Variants in LRRC49 observed in about 807,000 individuals in gnomAD.
LRRC49 encodes the protein leucine rich repeat containing 49.
A neutral mutation model predicts 83.3 loss-of-function variants in LRRC49; 50 were observed. The ratio of observed to expected loss-of-function variants is 0.60; its 90% CI spans 0.48 to 0.76. LRRC49 has a LOEUF of 0.76. Ranked by LOEUF, LRRC49 falls within the 30% of genes least tolerant of loss-of-function variation. The pLI is 0.00. For synonymous variants in LRRC49, 286 were observed against 283.3 expected, an observed-to-expected ratio of 1.01 and a Z score of -0.10; for missense variants, 704 against 809.1, an observed-to-expected ratio of 0.87 and a Z score of 1.58.
chr15:70,974,138 T>A (rs1345267829), intron 9 of LRRC49, among the ~76,000 whole-genome samples: 1 of 151,788 alleles, frequency 6.6e-6, no homozygotes, highest in Non-Finnish European at 1.5e-5. Flanking sequence ...AAAAATAAAA[T>A]AATAAAATAA....
At chr15:70,913,597 T>C (rs746128768) in intron 6 of LRRC49, among the ~76,000 whole-genome samples, 2 of 152,008 alleles carry the variant, frequency 1.3e-5, no homozygotes, top group African/African-American at 4.8e-5. Context: ...GAACAGAGCA[T>C]GTGTGGAAGG....
intron 15 of LRRC49, among the ~76,000 whole-genome samples, chr15:71,040,241 A>G (rs959628015): frequency 2.0e-5 from 3 of 152,220 alleles, no homozygotes; most frequent in African/African-American, 7.2e-5. Flanking sequence ...TGGAAATTGC[A>G]TAGTGTTATG....
intron 15 of LRRC49, among the ~76,000 whole-genome samples, chr15:71,041,552 C>G (rs935507063): frequency 2.0e-5 from 3 of 151,976 alleles, no homozygotes; most frequent in African/African-American, 7.3e-5. Context: ...CTTGTAATAA[C>G]CTAATAATAA....
upstream of LRRC49, chr15:70,892,708 T>C (rs1345837276): frequency 8.9e-6 from 13 of 1,466,468 alleles, no homozygotes; most frequent in Non-Finnish European, 1.2e-5. Context: ...CTCTCACGAA[T>C]ACAACTAGAA....
chr15:70,883,152 A>AT (rs1193727250), intron 2 of LRRC49, among the ~76,000 whole-genome samples: 1 of 152,114 alleles, frequency 6.6e-6, no homozygotes, highest in African/African-American at 2.4e-5. Flanking sequence ...ATTTGCTTAC[A>AT]ACTAATTTTT....
intron 2 of LRRC49, 113 bp downstream of exon 2, chr15:70,893,753 G>A: frequency 1.2e-6 from 1 of 805,278 alleles, no homozygotes; most frequent in South Asian, 1.7e-5. Flanking sequence ...AAGTAGATTT[G>A]CTTTGATTTC....
intron 2 of LRRC49, among the ~76,000 whole-genome samples, chr15:70,877,282 C>A (rs971595337): frequency 2.0e-5 from 3 of 152,088 alleles, no homozygotes; most frequent in Non-Finnish European, 4.4e-5. Flanking sequence ...ATTAATGTAA[C>A]CCTCATCACA....
At chr15:71,035,540 C>T (rs900335629) in intron 14 of LRRC49, among the ~76,000 whole-genome samples, 1 of 152,024 alleles carries the variant, frequency 6.6e-6, no homozygotes, top group African/African-American at 2.4e-5. Flanking sequence ...TGTTCCCCTC[C>T]CTATGTCCAT....
chr15:70,886,578 G>C (rs1400717856), intron 2 of LRRC49, among the ~76,000 whole-genome samples: 2 of 152,112 alleles, frequency 1.3e-5, no homozygotes, highest in Middle Eastern at 3.2e-3. Flanking sequence ...AATAAAAATT[G>C]ATAAACCGGT....
At chr15:70,893,173 C>G (rs2033663069) in intron 1 of LRRC49, 2 of 607,624 alleles carry the variant, frequency 3.3e-6, no homozygotes, top group South Asian at 4.1e-5. Context: ...TGGAGCTGGT[C>G]TGCTGTGAAA....
At chr15:71,026,688 C>G (rs1217994089) in intron 14 of LRRC49, among the ~76,000 whole-genome samples, 3 of 152,200 alleles carry the variant, frequency 2.0e-5, no homozygotes, top group Non-Finnish European at 4.4e-5. Context: ...TCTCTAATAA[C>G]CAGTGATGAT....
chr15:70,921,181 G>A lies in LRRC49; in HGVS notation c.711+1988G>A, dbSNP rs916277081. Among the ~76,000 whole-genome samples the A allele has an allele frequency of 2.0e-5, 3 of 152,134 alleles. No homozygotes were observed. The East Asian group carries it at 5.8e-4, about 29-fold the overall frequency. ...ACACATTTGTGAACTTCCCTTTAGG[G>A]TAAGTGAAAGGGAAAGTCACTCAGT... On this transcript the variant is annotated intron_variant, in intron 7 of 15. Transcript: ENST00000260382.
At chr15:70,858,843 C>A in intron 1 of LRRC49, 1 of 780,520 alleles carries the variant, frequency 1.3e-6, no homozygotes, top group Non-Finnish European at 2.3e-6. Flanking sequence ...TGGGCAGCAG[C>A]AGCTTCTGGG....
intron 11 of LRRC49, among the ~76,000 whole-genome samples, chr15:70,988,694 T>G (rs1467953279): frequency 5.5e-4 from 83 of 152,234 alleles, no homozygotes; most frequent in East Asian, 4.6e-3. Flanking sequence ...GTTAGCTGGT[T>G]ATTTTGCTCA....
intron 1 of LRRC49, among the ~76,000 whole-genome samples, chr15:70,860,542 G>A (rs2141068985): frequency 6.6e-6 from 1 of 152,294 alleles, no homozygotes; most frequent in African/African-American, 2.4e-5. Context: ...AGCCTCCCAA[G>A]TAGCTGGGAC....
chr15:70,893,619 A>T lies in LRRC49; in HGVS notation c.84A>T (p.Ser28=). 6.2e-7 allele frequency: 1 copy of T among 1,611,278 alleles called. No individual in the cohort carries two copies. The highest frequency in any genetic ancestry group is 1.3e-5 in the African/African-American group (1 of 74,900). ...GGCTTCATCTGGTTATTCAAACATC[A>T]TCGCTTCCTGAAAAAAACAAAGTAA... is the stretch of plus-strand genomic sequence containing the variant. ...NCGLHLVIQT[S]SLPEKNKVEF... is the part of the protein sequence containing the mutation. The change falls in exon 2 of 16, where the codon TCA becomes TCT. Residue 28 remains serine, a synonymous_variant. Transcript: ENST00000260382.
Position 71,049,515 on chromosome 15 carries a change from A to G in LRRC49, c.1964A>G (p.Gln655Arg). 6.2e-7 allele frequency: 1 copy of G among 1,613,880 alleles called. No individual in the cohort carries two copies. Among genetic ancestry groups the G allele is most frequent in the Non-Finnish European group, 8.5e-7 (1 of 1,179,764 alleles). ...GAGGCTTTGCAGAAGCTTTGGCCAC[A>G]GATGTTCATTGAGCTTGTTAGGGAT... ...KNEALQKLWPQMFIELVRDAV... is the reference protein window; with the variant it reads ...KNEALQKLWPRMFIELVRDAV... Residue 655 changes from glutamine (Q) to arginine (R), a missense_variant, in exon 16 of 16, where the codon CAG (glutamine) becomes CGG (arginine). By Grantham distance (43) the Gln-to-Arg change is conservative. Transcript: ENST00000260382.
chr15:71,010,045 A>T, intron 13 of LRRC49, 53 bp downstream of exon 13: 6 of 1,121,242 alleles, frequency 5.4e-6, no homozygotes, highest in Non-Finnish European at 7.3e-6. Flanking sequence ...TCTTAGTGAA[A>T]ATAGTTACTT....
intron 8 of LRRC49, among the ~76,000 whole-genome samples, chr15:70,958,684 A>T (rs1007478075): frequency 6.6e-6 from 1 of 152,228 alleles, no homozygotes; most frequent in Non-Finnish European, 1.5e-5. Flanking sequence ...TTAAATTTAT[A>T]AACTCACATC....
Sources: gnomAD v4.1 joint callset for allele counts (sites outside exome capture counted in the v4.1 genomes callset) on GRCh38, gnomAD v4.1.1 for gene constraint, MANE v1.5 for transcripts, NCBI Gene and HGNC (gene_info 2026-07-23, HGNC 2026-07-21) for gene names.